Variants in MTDH observed in about 807,000 individuals in gnomAD.
MTDH encodes metadherin, also known as protein LYRIC.
In MTDH, 34 loss-of-function variants were observed where a neutral mutation model predicts 72.7. The ratio of observed to expected loss-of-function variants is 0.47; its 90% CI spans 0.36 to 0.62. MTDH has a LOEUF of 0.62. Among genes scored for constraint, MTDH ranks in the 20% least tolerant of loss-of-function variants. MTDH has a pLI of 0.00. For missense variants in MTDH, 677 were observed against 699.4 expected (o/e 0.97, Z 0.36); for synonymous variants, 266 against 268.9 (o/e 0.99, Z 0.10).
intron 10 of MTDH, 75 bp downstream of exon 10, chr8:97,719,264 G>A: frequency 1.3e-6 from 2 of 1,495,406 alleles, no homozygotes; most frequent in South Asian, 1.3e-5. Flanking sequence ...AGAGGCCAAG[G>A]TGGGCAGGTC....
At chr8:97,684,362 A>G (rs963721503) in intron 2 of MTDH, among the ~76,000 whole-genome samples, 6 of 152,192 alleles carry the variant, frequency 3.9e-5, no homozygotes, top group African/African-American at 1.2e-4. Flanking sequence ...TTAAAAATAT[A>G]TATGTGGTTT....
chr8:97,685,834 A>G (rs1008704886), intron 2 of MTDH, among the ~76,000 whole-genome samples: 5 of 152,192 alleles, frequency 3.3e-5, no homozygotes, highest in African/African-American at 1.2e-4. Flanking sequence ...AAGTGAATAC[A>G]AAGTATAAAA....
chr8:97,708,200 A>T (rs899196610), intron 8 of MTDH, among the ~76,000 whole-genome samples: 1 of 149,122 alleles, frequency 6.7e-6, no homozygotes, highest in African/African-American at 2.5e-5. Context: ...CCTGACCTCA[A>T]GTGATCCACC....
chr8:97,724,198 A>C (rs186496495), intron 11 of MTDH, among the ~76,000 whole-genome samples: 1 of 152,138 alleles, frequency 6.6e-6, no homozygotes. Flanking sequence ...CTGCTTGTCT[A>C]TGTGGTCCCT....
chr8:97,681,795 A>G (rs1430651818), intron 2 of MTDH, among the ~76,000 whole-genome samples: 1 of 151,992 alleles, frequency 6.6e-6, no homozygotes, highest in African/African-American at 2.4e-5. Flanking sequence ...CCCAGCCAAT[A>G]AGAATTTTTC....
intron 11 of MTDH, 67 bp downstream of exon 11, chr8:97,723,102 TAA>T: frequency 6.6e-7 from 1 of 1,526,102 alleles, no homozygotes; most frequent in Non-Finnish European, 8.9e-7. Flanking sequence ...GTTCTGATCT[TAA>T]AAGTCTAATG....
At chr8:97,677,422 CG>C (rs1198819668) in intron 2 of MTDH, among the ~76,000 whole-genome samples, 2 of 144,992 alleles carry the variant, frequency 1.4e-5, no homozygotes, top group Admixed American at 1.4e-4. Flanking sequence ...ACCTGGGAGG[CG>C]GAGGTTGCAG....
Position 97,706,610 on chromosome 8 carries a change from C to T in MTDH, c.1148-16C>T, listed in dbSNP as rs1282512222. 6.5e-7 allele frequency: 1 copy of T among 1,531,640 alleles called. No homozygotes were observed. The highest frequency in any genetic ancestry group is 2.1e-5 in the Admixed American group (1 of 46,900). 94.9% of individuals were successfully genotyped at this position (1,531,640 alleles called of 1,614,324 possible). Reference sequence around the variant, plus strand: ...GCAAAAATGATAGACGCCTAATTCACACTGTTAAATTTTAGATGGTCTGTC... The same window carrying T: ...GCAAAAATGATAGACGCCTAATTCATACTGTTAAATTTTAGATGGTCTGTC... On this transcript the variant is annotated splice_polypyrimidine_tract_variant and intron_variant, in intron 7 of 11. Coordinates refer to ENST00000336273, the MANE Select transcript of MTDH (RefSeq NM_178812.4).
Position 97,650,496 on chromosome 8 carries a change from A to G in MTDH, c.381+5609A>G, listed in dbSNP as rs569629782. 3.4e-3 allele frequency among the ~76,000 whole-genome samples: 522 copies of G among 151,842 alleles called. 2 individuals carry two copies. Among genetic ancestry groups the G allele is most frequent in the Non-Finnish European group, 6.4e-3 (433 of 67,952 alleles). On this transcript the variant is annotated intron_variant, in intron 1 of 11. Coordinates refer to ENST00000336273, the MANE Select transcript of MTDH (RefSeq NM_178812.4). The stretch of plus-strand genomic sequence containing the variant: ...TGCTATGTTGCCTAGACTGGTCTTG[A>G]ACTGCTAAGCTCAAGTACTCCACCT...
At chr8:97,707,807 G>C (rs1814426055) in intron 8 of MTDH, among the ~76,000 whole-genome samples, 1 of 151,738 alleles carries the variant, frequency 6.6e-6, no homozygotes, top group Non-Finnish European at 1.5e-5. Flanking sequence ...CAGCTATTCA[G>C]GGGGCTGAGG....
intron 2 of MTDH, among the ~76,000 whole-genome samples, chr8:97,667,727 C>CA (rs1812446977): frequency 6.6e-6 from 1 of 151,236 alleles, no homozygotes; most frequent in African/African-American, 2.4e-5. Flanking sequence ...TGCAGTAGCT[C>CA]ACACCTGTAA....
chr8:97,674,772 G>A (rs187133659), intron 2 of MTDH, among the ~76,000 whole-genome samples: 65 of 152,068 alleles, frequency 4.3e-4, no homozygotes, highest in Middle Eastern at 3.4e-3. Context: ...CCAGTCAGTA[G>A]TCTGCAGACC....
At chr8:97,677,180 C>CAAAAAAA (rs71271142) in intron 2 of MTDH, among the ~76,000 whole-genome samples, 8 of 44,124 alleles carry the variant, frequency 1.8e-4, no homozygotes, top group African/African-American at 7.8e-4. Context: ...AAGCCTGTCT[C>CAAAAAAA]AAAAAAAAAA....
chr8:97,677,962 ATAT>A (rs1354085055), intron 2 of MTDH, among the ~76,000 whole-genome samples: 1 of 152,244 alleles, frequency 6.6e-6, no homozygotes, highest in East Asian at 1.9e-4. Context: ...GCAAAAAACA[ATAT>A]TACAGCCAAT....
chr8:97,646,688 A>G (rs1250171106), intron 1 of MTDH, among the ~76,000 whole-genome samples: 1 of 152,228 alleles, frequency 6.6e-6, no homozygotes, highest in Non-Finnish European at 1.5e-5. Flanking sequence ...TACTGTGAAA[A>G]ATGCTCAGTA....
intron 1 of MTDH, among the ~76,000 whole-genome samples, chr8:97,647,954 A>G (rs1298856398): frequency 6.6e-6 from 1 of 151,934 alleles, no homozygotes; most frequent in Non-Finnish European, 1.5e-5. Context: ...CTAAAAGAAA[A>G]AAAAAAAAAA....
At chr8:97,662,008 A>G (rs960984788) in intron 2 of MTDH, among the ~76,000 whole-genome samples, 2 of 152,078 alleles carry the variant, frequency 1.3e-5, no homozygotes, top group African/African-American at 4.8e-5. Context: ...ATACCACATA[A>G]ATGGTACATT....
Position 97,726,795 on chromosome 8 carries a change from C to G in MTDH, c.*2125C>G, listed in dbSNP as rs1465818668. The G allele has an allele frequency of 6.6e-6, 1 of 152,280 alleles. No homozygotes were observed. Among genetic ancestry groups the G allele is most frequent in the Non-Finnish European group, 1.5e-5 (1 of 68,200 alleles). The allele number at this position is 152,280 out of a possible 1,614,324, so 9.4% of individuals were successfully genotyped here. On this transcript the variant is annotated 3_prime_UTR_variant, in exon 12 of 12. Coordinates refer to ENST00000336273, the MANE Select transcript of MTDH (RefSeq NM_178812.4). Reference sequence around the variant, plus strand: ...TTTTGTTTTAAGAGATGGCAGCTGGCCGGGTGCAGTGGCTCACGTCTGTAA... The same window carrying G: ...TTTTGTTTTAAGAGATGGCAGCTGGGCGGGTGCAGTGGCTCACGTCTGTAA...
intron 11 of MTDH, 59 bp from the exon 12 acceptor site, chr8:97,724,541 G>T: frequency 1.8e-6 from 2 of 1,130,308 alleles, no homozygotes; most frequent in African/African-American, 1.6e-5. Flanking sequence ...TTATTGAGAC[G>T]TAACAGTATT....
Sources: allele counts gnomAD v4.1 joint callset (sites outside exome capture counted in the v4.1 genomes callset), GRCh38; gene constraint gnomAD v4.1.1; transcripts MANE v1.5; gene names NCBI Gene and HGNC (gene_info 2026-07-23, HGNC 2026-07-21).